Variants in RIF1 observed in about 807,000 individuals in gnomAD.
The protein encoded by RIF1 is replication timing regulatory factor 1.
Under a neutral mutation model 247.1 loss-of-function variants are expected in RIF1, and 45 were observed. The ratio of observed to expected loss-of-function variants is 0.18; its 90% CI spans 0.14 to 0.23. The LOEUF is 0.23. Among genes scored for constraint, RIF1 ranks in the 10% least tolerant of loss-of-function variants. The pLI, the probability that RIF1 is intolerant of heterozygous loss-of-function variation, is 1.00. For synonymous variants in RIF1, 1,087 were observed against 978.8 expected (o/e 1.11, Z -2.06); for missense variants, 2,967 against 2,862.5 (o/e 1.04, Z -0.83).
rs1396553900 is a variant in RIF1, at chr2:151,428,773, C to T, written c.787-11C>T. ...ATAAATAACTTCTTAATGATTTTTTCCCCTTTTTAGACCTTGCATCGAAGT... is the reference window on the plus strand; with the variant it reads ...ATAAATAACTTCTTAATGATTTTTTTCCCTTTTTAGACCTTGCATCGAAGT... On this transcript the variant is annotated splice_polypyrimidine_tract_variant and intron_variant, in intron 8 of 35. Coordinates refer to ENST00000444746, the MANE Select transcript of RIF1 (RefSeq NM_018151.5). The T allele has an allele frequency of 1.3e-6, 2 of 1,588,554 alleles. No individual in the cohort carries two copies. The highest frequency in any genetic ancestry group is 1.3e-5 in the African/African-American group (1 of 74,122).
At chr2:151,458,734 G>C in intron 24 of RIF1, 77 bp from the exon 25 acceptor site, 2 of 633,842 alleles carry the variant, frequency 3.2e-6, no homozygotes, top group Non-Finnish European at 5.2e-6. Context: ...AAAAATTAAA[G>C]TGCTGTTGTT....
At chr2:151,487,498 T>C (rs1444625550) in intron 9 of RIF1, among the ~76,000 whole-genome samples, 1 of 152,210 alleles carries the variant, frequency 6.6e-6, no homozygotes, top group Non-Finnish European at 1.5e-5. Flanking sequence ...GTTCTTTCCA[T>C]TTAATATAGC....
Position 151,463,688 on chromosome 2 carries a change from C to G in RIF1, c.4168C>G (p.Pro1390Ala). Residue 1390 changes from proline to alanine, a missense_variant, in exon 30 of 36, where the codon CCA (proline) becomes GCA (alanine). By Grantham distance (27) the Pro-to-Ala change is conservative (BLOSUM62 -1). Around this residue, in one of 7 missense-constraint regions of RIF1, gnomAD observed 2,028 missense variants for 1,825.6 expected, o/e 1.11. Transcript: ENST00000444746. ...INLESKENTP[P>A]VVISADQMVN... The stretch of plus-strand genomic sequence containing the variant: ...TTTGGAATCCAAAGAGAATACACCC[C>G]CAGTAGTAATATCAGCAGATCAAAT... 1 of 1,613,860 alleles carries G rather than the reference C, an allele frequency of 6.2e-7. No homozygotes were observed. The highest frequency in any genetic ancestry group is 8.5e-7 in the Non-Finnish European group (1 of 1,179,894).
At chr2:151,460,768 A>G (rs953968187) in intron 26 of RIF1, among the ~76,000 whole-genome samples, 1 of 152,232 alleles carries the variant, frequency 6.6e-6, no homozygotes, top group Non-Finnish European at 1.5e-5. Flanking sequence ...AGTTACTTGT[A>G]TGTAGGGCAT....
Position 151,507,842 on chromosome 2 carries a change from C to G in RIF1, c.*1141C>G, listed in dbSNP as rs1004635808. ...CATGCTGTGATTTGGGATTAAGATA[C>G]AAGGTGAGCCCAGAGATGAATTGGG... On this transcript the variant is annotated 3_prime_UTR_variant and NMD_transcript_variant, in exon 14 of 14. Coordinates refer to the RIF1 transcript ENST00000454583. The G allele has an allele frequency of 2.3e-5, 14 of 600,472 alleles. No homozygotes were observed. In the Admixed American group the frequency reaches 3.7e-4, roughly 16 times the overall value. The allele number at this position is 600,472 out of a possible 1,614,324, so 37.2% of individuals were successfully genotyped here.
chr2:151,459,165 A>G (rs1695719197), intron 25 of RIF1, among the ~76,000 whole-genome samples: 1 of 152,318 alleles, frequency 6.6e-6, no homozygotes, highest in South Asian at 2.1e-4. Flanking sequence ...AGTAAAATAC[A>G]TAATTGTTGC....
chr2:151,438,000 G>T (rs1691569264), intron 13 of RIF1, among the ~76,000 whole-genome samples: 1 of 152,032 alleles, frequency 6.6e-6, no homozygotes, highest in Non-Finnish European at 1.5e-5. Flanking sequence ...GTTGGAAAAA[G>T]AATCACAATG....
At chr2:151,487,383 T>G (rs2051629201) in intron 9 of RIF1, among the ~76,000 whole-genome samples, 1 of 152,230 alleles carries the variant, frequency 6.6e-6, no homozygotes, top group Non-Finnish European at 1.5e-5. Context: ...CATTTTGAAA[T>G]TCACATGCAT....
intron 11 of RIF1, chr2:151,502,694 T>C: frequency 1.4e-6 from 1 of 736,986 alleles, no homozygotes; most frequent in Non-Finnish European, 2.3e-6. Context: ...TTGGTATCAT[T>C]ATTTTCATTA....
chr2:151,501,545 C>A (rs2064563120), intron 11 of RIF1: 2 of 892,592 alleles, frequency 2.2e-6, no homozygotes, highest in South Asian at 3.3e-5. Flanking sequence ...GTAGACTTAA[C>A]CTAAAAAAAC....
rs768618533 is a variant in RIF1, at chr2:151,437,254, T to G, written c.1386T>G (p.His462Gln). 1 of 1,611,116 alleles carries G rather than the reference T, an allele frequency of 6.2e-7. No individual in the cohort carries two copies. Among genetic ancestry groups the G allele is most frequent in the Admixed American group, 1.7e-5 (1 of 60,000 alleles). ...CTTCCCTTTCAGAGCCATTGGAACA[T>G]CCGTTAATCAGCAGCCCTTCCTTTT... ...KLVLSLEPLE[H>Q]PLISSPSFFS... Residue 462 changes from histidine to glutamine, a missense_variant, in exon 13 of 36, where the codon CAT becomes CAG. Around this residue, in one of 7 missense-constraint regions of RIF1, gnomAD observed 369 missense variants for 322.0 expected, o/e 1.15. Transcript: ENST00000444746.
the RIF1 span, among the ~76,000 whole-genome samples, chr2:151,522,858 A>C: frequency 7.9e-5 from 12 of 152,214 alleles, no homozygotes; most frequent in African/African-American, 2.9e-4. Flanking sequence ...GCAAGACAGC[A>C]AAGTCAGAAC....
chr2:151,468,804 TTTAA>T lies in RIF1; in HGVS notation c.6941+49_6941+52del, dbSNP rs371886414. The T allele has an allele frequency of 1.1e-4, 140 of 1,270,628 alleles. No homozygotes were observed. In the African/African-American group the frequency reaches 1.4e-3, roughly 13 times the overall value. 78.7% of individuals were successfully genotyped at this position (1,270,628 alleles called of 1,614,324 possible). ...TGCTTATATTCCAAGATGCCACTTA[TTTAA>T]GAGGACTTATCTGATTGCTTGGTTC... is the stretch of plus-strand genomic sequence containing the variant. On this transcript the variant is annotated intron_variant, in intron 33 of 35. Transcript: ENST00000444746.
intron 34 of RIF1, among the ~76,000 whole-genome samples, chr2:151,472,505 G>C (rs1171784709): frequency 6.6e-6 from 1 of 152,126 alleles, no homozygotes. Context: ...TTGGCTGTGG[G>C]TTTGTCATAA....
chr2:151,441,901 A>T lies in RIF1; in HGVS notation c.1648-4A>T, dbSNP rs778711610. 2.1e-6 allele frequency: 3 copies of T among 1,453,534 alleles called. No homozygotes were observed. In the Admixed American group the frequency reaches 5.6e-5, roughly 27 times the overall value. 90.0% of individuals were successfully genotyped at this position (1,453,534 alleles called of 1,614,324 possible). ...TTTACTGTAAAACCTTTTATCTCTC[A>T]TAGGTCCTCATGGAAATTACAATTA... On this transcript the variant is annotated splice_polypyrimidine_tract_variant and splice_region_variant and intron_variant, in intron 15 of 35. Transcript: ENST00000444746.
downstream of RIF1, among the ~76,000 whole-genome samples, chr2:151,512,188 G>A (rs771026990): frequency 2.0e-5 from 3 of 151,576 alleles, no homozygotes; most frequent in East Asian, 1.9e-4. Flanking sequence ...CTGCCACCAC[G>A]CCCGGCTAAT....
downstream of RIF1, among the ~76,000 whole-genome samples, chr2:151,508,597 A>G (rs2071255739): frequency 6.6e-6 from 1 of 152,242 alleles, no homozygotes; most frequent in Non-Finnish European, 1.5e-5. Context: ...AGGTGCGGTC[A>G]GGGCTCCCAG....
intron 19 of RIF1, 103 bp downstream of exon 19, chr2:151,445,548 CTTTT>C: frequency 2.8e-6 from 2 of 712,490 alleles, no homozygotes; most frequent in African/African-American, 3.6e-5. Flanking sequence ...TTTTCTTTTT[CTTTT>C]TCTCTTTTTT....
chr2:151,503,232 A>AAC, intron 12 of RIF1: 1 of 765,780 alleles, frequency 1.3e-6, no homozygotes, highest in Non-Finnish European at 2.2e-6. Context: ...AATAATACAC[A>AAC]ACACACACAG....
Sources: gnomAD v4.1 joint callset for allele counts (sites outside exome capture counted in the v4.1 genomes callset) on GRCh38, gnomAD v4.1.1 for gene constraint, gnomAD v4.1.1 regional missense constraint, MANE v1.5 for transcripts, NCBI Gene and HGNC (gene_info 2026-07-23, HGNC 2026-07-21) for gene names.